Variants in GATAD2A observed in about 807,000 individuals in gnomAD.
GATAD2A encodes GATA zinc finger domain containing 2A.
In GATAD2A, 12 loss-of-function variants were observed where a neutral mutation model predicts 68.5. The ratio of observed to expected loss-of-function variants is 0.18; its 90% CI spans 0.11 to 0.28. The LOEUF (loss-of-function observed/expected upper bound fraction) is 0.28. GATAD2A is among the 10% of genes least tolerant of loss of function. The pLI, the probability that GATAD2A is intolerant of heterozygous loss-of-function variation, is 1.00. For missense variants in GATAD2A, 755 were observed against 868.5 expected, an observed-to-expected ratio of 0.87 and a Z score of 1.64; for synonymous variants, 410 against 375.3, an observed-to-expected ratio of 1.09 and a Z score of -1.07.
intron 1 of GATAD2A, among the ~76,000 whole-genome samples, chr19:19,447,083 C>T (rs932170688): frequency 6.6e-6 from 1 of 152,166 alleles, no homozygotes; most frequent in African/African-American, 2.4e-5. Context: ...CCTTGATATC[C>T]TGGGGGTGGA....
chr19:19,446,871 G>A (rs928287262), intron 1 of GATAD2A, among the ~76,000 whole-genome samples: 1 of 152,164 alleles, frequency 6.6e-6, no homozygotes, highest in Non-Finnish European at 1.5e-5. Flanking sequence ...GCCAGGTTTT[G>A]TTTGGTTTTG....
intron 1 of GATAD2A, among the ~76,000 whole-genome samples, chr19:19,426,146 G>A (rs77247781): frequency 6.6e-6 from 1 of 152,254 alleles, no homozygotes; most frequent in East Asian, 1.9e-4. Flanking sequence ...ACTATGGGTG[G>A]GTTGTCTGGA....
intron 1 of GATAD2A, among the ~76,000 whole-genome samples, chr19:19,464,058 G>C (rs2057681182): frequency 6.6e-6 from 1 of 152,210 alleles, no homozygotes; most frequent in Admixed American, 6.5e-5. Context: ...GCTGCCCCCA[G>C]CTTCCAGACG....
Position 19,479,831 on chromosome 19 carries a change from C to CTTT in GATAD2A, c.270-12453_270-12451dup, listed in dbSNP as rs35537344. ...AGGAAGTTACTATGTGTGGCCCACTCTTTTTTTTTTTTTTTTTTTTTTTTG... is the reference window on the plus strand; with the variant it reads ...AGGAAGTTACTATGTGTGGCCCACTCTTTTTTTTTTTTTTTTTTTTTTTTTTTG... On this transcript the variant is annotated intron_variant, in intron 2 of 11. Transcript: ENST00000683918. Among the ~76,000 whole-genome samples, 665 of 85,564 alleles carry CTTT rather than the reference C, an allele frequency of 7.8e-3. 1 individual carries two copies. Among genetic ancestry groups the CTTT allele is most frequent in the Non-Finnish European group, 0.011 (480 of 45,210 alleles). 56.1% of individuals were successfully genotyped at this position (85,564 alleles called of 152,430 possible).
chr19:19,386,533 A>C (rs936991764), intron 1 of GATAD2A, among the ~76,000 whole-genome samples: 3 of 148,400 alleles, frequency 2.0e-5, no homozygotes, highest in African/African-American at 7.6e-5. Context: ...TCTCTAGGGG[A>C]CTCCCATCTC....
chr19:19,453,074 C>T (rs1403394696), intron 1 of GATAD2A, among the ~76,000 whole-genome samples: 2 of 152,228 alleles, frequency 1.3e-5, no homozygotes, highest in Non-Finnish European at 2.9e-5. Context: ...AGCAATCAGC[C>T]TCAGTGGTGT....
At chr19:19,485,831 T>C (rs958167459) in intron 2 of GATAD2A, among the ~76,000 whole-genome samples, 1 of 152,200 alleles carries the variant, frequency 6.6e-6, no homozygotes, top group Non-Finnish European at 1.5e-5. Context: ...CTTCTTCATA[T>C]CCACAAAAGC....
intron 1 of GATAD2A, among the ~76,000 whole-genome samples, chr19:19,457,516 G>A (rs940202909): frequency 5.9e-5 from 9 of 152,088 alleles, no homozygotes; most frequent in African/African-American, 1.4e-4. Context: ...CGAGGCGGGC[G>A]GATCACGAGG....
At chr19:19,490,018 C>G (rs1315844185) in intron 2 of GATAD2A, among the ~76,000 whole-genome samples, 1 of 152,194 alleles carries the variant, frequency 6.6e-6, no homozygotes, top group Non-Finnish European at 1.5e-5. Context: ...CAAGGAGAGA[C>G]ATGCTGGCGG....
chr19:19,471,127 GC>G (rs1480504973), intron 2 of GATAD2A, among the ~76,000 whole-genome samples: 4 of 152,048 alleles, frequency 2.6e-5, no homozygotes, highest in African/African-American at 9.7e-5. Flanking sequence ...GTGGTGGCGT[GC>G]ACCTGTAGTC....
intron 1 of GATAD2A, among the ~76,000 whole-genome samples, chr19:19,414,398 T>C (rs1360473263): frequency 6.6e-6 from 1 of 152,104 alleles, no homozygotes; most frequent in Non-Finnish European, 1.5e-5. Flanking sequence ...ATCCCTGTTT[T>C]CTCCTGGAAT....
chr19:19,431,051 AATG>A (rs957713996), intron 1 of GATAD2A, among the ~76,000 whole-genome samples: 5 of 151,014 alleles, frequency 3.3e-5, no homozygotes, highest in Non-Finnish European at 5.9e-5. Flanking sequence ...GCCAAACCAT[AATG>A]ATTTATCAAG....
intron 1 of GATAD2A, among the ~76,000 whole-genome samples, chr19:19,422,382 C>G (rs928501110): frequency 6.6e-6 from 1 of 152,150 alleles, no homozygotes; most frequent in Non-Finnish European, 1.5e-5. Context: ...TCTGCTTGCT[C>G]CCTGGAAGCT....
At position 19,494,401 on chromosome 19, in the gene GATAD2A, G is replaced by T. The variant is rs375455874; in HGVS notation, c.624+18G>T. 17 of 1,468,536 alleles carry T rather than the reference G, an allele frequency of 1.2e-5. No individual in the cohort carries two copies. Among genetic ancestry groups the T allele is most frequent in the Non-Finnish European group, 1.1e-5 (12 of 1,048,204 alleles). 91.0% of individuals were successfully genotyped at this position (1,468,536 alleles called of 1,614,324 possible). A position where few individuals can be genotyped will look rare whatever the true frequency, so the allele number is the denominator to read the frequency against. On this transcript the variant is annotated intron_variant, in intron 5 of 11. Coordinates refer to ENST00000683918, the MANE Select transcript of GATAD2A (RefSeq NM_001384528.1). ...CACTCCAGGTCAGTGTCCTTTCTGC[G>T]TCTCACTGGGTGCCCTGCTGGCACT...
At chr19:19,465,959 G>C (rs2057833074) in intron 2 of GATAD2A, among the ~76,000 whole-genome samples, 1 of 152,226 alleles carries the variant, frequency 6.6e-6, no homozygotes, top group Non-Finnish European at 1.5e-5. Flanking sequence ...TATTCATTTG[G>C]TTATGCTTCC....
At chr19:19,417,639 T>C (rs1420162071) in intron 1 of GATAD2A, among the ~76,000 whole-genome samples, 1 of 152,196 alleles carries the variant, frequency 6.6e-6, no homozygotes, top group Non-Finnish European at 1.5e-5. Flanking sequence ...CAGGAGACTG[T>C]TCATACTTCA....
chr19:19,479,213 C>T (rs148037950), intron 2 of GATAD2A, among the ~76,000 whole-genome samples: 2,871 of 152,258 alleles, frequency 0.019, 86 homozygotes, highest in South Asian at 0.085. Flanking sequence ...CATTAAAATC[C>T]GTGGGACTCT....
At chr19:19,465,723 G>A (rs534066574) in intron 2 of GATAD2A, 109 bp downstream of exon 2, 2 of 1,299,938 alleles carry the variant, frequency 1.5e-6, no homozygotes, top group East Asian at 2.5e-5. Context: ...TGGCGGGGTT[G>A]TGGAGAGGGC....
At chr19:19,395,123 T>C (rs571693996) in intron 1 of GATAD2A, among the ~76,000 whole-genome samples, 1 of 152,290 alleles carries the variant, frequency 6.6e-6, no homozygotes, top group Admixed American at 6.5e-5. Flanking sequence ...TTCTCCCTCC[T>C]TACAGGCTGA....
Sources: allele counts gnomAD v4.1 joint callset (sites outside exome capture counted in the v4.1 genomes callset), GRCh38; gene constraint gnomAD v4.1.1; transcripts MANE v1.5; gene names NCBI Gene and HGNC (gene_info 2026-07-23, HGNC 2026-07-21).